Variants in POR observed in about 807,000 individuals in gnomAD.
The protein encoded by POR is NADPH--cytochrome P450 reductase.
Under a neutral mutation model 84.0 loss-of-function variants are expected in POR, and 56 were observed. The ratio of observed to expected loss-of-function variants is 0.67; its 90% CI spans 0.54 to 0.83. The LOEUF is 0.83. Ranked by LOEUF, POR falls within the 40% of genes least tolerant of loss-of-function variation. POR has a pLI of 0.00. For synonymous variants in POR, 414 were observed against 400.5 expected (o/e 1.03, Z -0.40); for missense variants, 938 against 944.3 (o/e 0.99, Z 0.09).
intron 1 of POR, among the ~76,000 whole-genome samples, chr7:75,924,469 C>T (rs1290403836): frequency 1.3e-5 from 2 of 152,110 alleles, no homozygotes; most frequent in Non-Finnish European, 2.9e-5. Context: ...ATCACTAGAG[C>T]CCAGGAATTC....
Position 75,983,764 on chromosome 7 carries a change from T to C in POR, c.974T>C (p.Val325Ala). Residue 325 changes from valine to alanine, a missense_variant, in exon 10 of 16, where the codon GTG becomes GCG. Physicochemically the swap from Val to Ala is moderately conservative, Grantham distance 64. Coordinates refer to ENST00000461988, the MANE Select transcript of POR (RefSeq NM_000941.3). ...TATGAATCTGGGGACCACGTGGCTG[T>C]GTACCCAGCCAACGACTCTGCTCTC... 6.2e-7 allele frequency: 1 copy of C among 1,612,368 alleles called. No homozygotes were observed. Among genetic ancestry groups the C allele is most frequent in the East Asian group, 2.2e-5 (1 of 44,864 alleles).
intron 10 of POR, among the ~76,000 whole-genome samples, chr7:75,984,477 G>A (rs1347692537): frequency 4.6e-5 from 7 of 152,182 alleles, no homozygotes; most frequent in African/African-American, 7.2e-5. Flanking sequence ...AAGCCTGGGC[G>A]GGGCTGTGTC....
At chr7:75,975,879 T>C (rs1182873137) in intron 3 of POR, among the ~76,000 whole-genome samples, 1 of 135,344 alleles carries the variant, frequency 7.4e-6, no homozygotes, top group Non-Finnish European at 1.6e-5. Flanking sequence ...CTCAAACTCC[T>C]GGGCTTAAGC....
At chr7:75,967,742 C>G in intron 2 of POR, 1 of 233,596 alleles carries the variant, frequency 4.3e-6, no homozygotes. Context: ...AAGGTTTTCT[C>G]CTTCCCTCGG....
intron 1 of POR, among the ~76,000 whole-genome samples, chr7:75,933,372 C>CTTT (rs1554550379): frequency 1.3e-5 from 1 of 79,588 alleles, no homozygotes; most frequent in Non-Finnish European, 2.6e-5. Context: ...TACAATAGGT[C>CTTT]TTTGTTTTTT....
At position 75,980,415 on chromosome 7, in the gene POR, CCA is replaced by C; in HGVS notation, c.445_446del (p.Thr149ArgfsTer56). ...ATGGCCACCTACGGTGAGGGAGACC[CCA>C]CCGACAATGCCCAGGACTTCTACGA... On this transcript the variant is annotated frameshift_variant, in exon 5 of 16. Transcript: ENST00000461988. LOFTEE classifies it high-confidence loss of function. The C allele has an allele frequency of 1.2e-6, 2 of 1,613,306 alleles. No homozygotes were observed. The highest frequency in any genetic ancestry group is 1.7e-6 in the Non-Finnish European group (2 of 1,179,876).
At chr7:75,923,437 G>C in intron 1 of POR, 1 of 585,400 alleles carries the variant, frequency 1.7e-6, no homozygotes, top group Non-Finnish European at 3.1e-6. Flanking sequence ...TCATCCGCCA[G>C]CTGAACTAGA....
chr7:75,978,573 G>T (rs1554557164), intron 3 of POR, among the ~76,000 whole-genome samples: 1 of 152,224 alleles, frequency 6.6e-6, no homozygotes, highest in Non-Finnish European at 1.5e-5. Context: ...GCCCAGGCTG[G>T]AGTGCAATGG....
In POR at chr7:75,985,072, C is replaced by T. The variant is rs1392235928; in HGVS notation, c.1263C>T (p.Ser421=). Residue 421 remains serine, a synonymous_variant, in exon 12 of 16, where the codon AGC becomes AGT. Coordinates refer to ENST00000461988, the MANE Select transcript of POR (RefSeq NM_000941.3). ...GTGTCTCTTAGGAGCTGTACCTGAG[C>T]TGGGTGGTGGAGGCCCGGAGGCACA... 3.8e-6 allele frequency: 6 copies of T among 1,598,778 alleles called. No homozygotes were observed. Among genetic ancestry groups the T allele is most frequent in the Non-Finnish European group, 5.1e-6 (6 of 1,178,658 alleles).
chr7:75,932,896 T>A, intron 1 of POR, among the ~76,000 whole-genome samples: 1 of 151,852 alleles, frequency 6.6e-6, no homozygotes, highest in East Asian at 1.9e-4. Context: ...CAGGCACCTG[T>A]AATCCCAGCT....
rs74465568 is a variant in POR at position 75,936,505 on chromosome 7, T to C, written c.-4-17484T>C. On this transcript the variant is annotated intron_variant, in intron 1 of 15. Transcript: ENST00000461988. Reference sequence around the variant, plus strand: ...TCAATGTGGAGCTCATTTGGAATTCTATTAAAGAATCCTTAGTGTGCCTTC... The same window carrying C: ...TCAATGTGGAGCTCATTTGGAATTCCATTAAAGAATCCTTAGTGTGCCTTC... Among the ~76,000 whole-genome samples, 1,011 of 152,322 alleles carry C rather than the reference T, an allele frequency of 6.6e-3. 8 individuals carry two copies. Among genetic ancestry groups the C allele is most frequent in the African/African-American group, 0.02 (845 of 41,584 alleles).
chr7:75,922,875 G>A, intron 1 of POR: 1 of 591,244 alleles, frequency 1.7e-6, no homozygotes, highest in South Asian at 1.9e-5. Flanking sequence ...AGGAGGAGCA[G>A]AGGGAAGGAA....
chr7:75,979,030 C>T (rs1359118863), intron 3 of POR, among the ~76,000 whole-genome samples: 1 of 152,224 alleles, frequency 6.6e-6, no homozygotes, highest in Non-Finnish European at 1.5e-5. Context: ...CTCCTGACCT[C>T]AGGTAATCTG....
chr7:75,922,697 A>C, intron 1 of POR: 2 of 289,740 alleles, frequency 6.9e-6, no homozygotes, highest in East Asian at 8.4e-5. Context: ...CCATCCAGGT[A>C]TAAAATTTTG....
intron 2 of POR, chr7:75,971,218 C>T (rs943993527): frequency 1.3e-5 from 2 of 152,006 alleles, no homozygotes; most frequent in Non-Finnish European, 2.9e-5. Flanking sequence ...GCCTCAACCT[C>T]CCAAAGTGCT....
intron 3 of POR, among the ~76,000 whole-genome samples, chr7:75,976,082 C>T (rs1389432967): frequency 6.6e-6 from 1 of 151,978 alleles, no homozygotes; most frequent in Non-Finnish European, 1.5e-5. Flanking sequence ...GTGTGTAGTT[C>T]AGTAGCTTCT....
chr7:75,953,916 G>A (rs1787563747), intron 1 of POR, 73 bp from the exon 2 acceptor site: 5 of 1,245,980 alleles, frequency 4.0e-6, no homozygotes, highest in Admixed American at 2.4e-5. Context: ...CAGCATTTAG[G>A]TGGGCACCCC....
At position 75,985,153 on chromosome 7, in the gene POR, T is replaced by TGA; in HGVS notation, c.1346_1347dup (p.Leu450SerfsTer96). 1.9e-6 allele frequency: 3 copies of TGA among 1,599,562 alleles called. No homozygotes were observed. The highest frequency in any genetic ancestry group is 8.5e-7 in the Non-Finnish European group (1 of 1,179,432). On this transcript the variant is annotated frameshift_variant, in exon 12 of 16. Transcript: ENST00000461988. LOFTEE classifies it high-confidence loss of function. Reference sequence around the variant, plus strand: ...TGCGGCCCCCCATCGACCACCTGTGTGAGCTGCTGCCGCGCCTGCAGGCCC... The same window carrying TGA: ...TGCGGCCCCCCATCGACCACCTGTGTGAGAGCTGCTGCCGCGCCTGCAGGCCC...
chr7:75,933,234 A>G (rs1290499507), intron 1 of POR, among the ~76,000 whole-genome samples: 2 of 152,060 alleles, frequency 1.3e-5, no homozygotes, highest in African/African-American at 4.8e-5. Context: ...GTCTGGTAGA[A>G]TGGCTAAATT....
Sources: gnomAD v4.1 joint callset for allele counts (sites outside exome capture counted in the v4.1 genomes callset) on GRCh38, gnomAD v4.1.1 for gene constraint, MANE v1.5 for transcripts, NCBI Gene and HGNC (gene_info 2026-07-23, HGNC 2026-07-21) for gene names.